RETREG1: variants seen among roughly 807,000 people sequenced by gnomAD.
RETREG1 encodes the protein family with sequence similarity 134 member B.
RETREG1 carries 44 observed loss-of-function variants against 54.8 expected under a neutral mutation model. That is an observed-to-expected ratio of 0.80 (90% confidence interval 0.63 to 1.03). The LOEUF (loss-of-function observed/expected upper bound fraction) is 1.03, where lower values mean the gene tolerates loss of function less well. Among genes scored for constraint, RETREG1 ranks in the 50% least tolerant of loss-of-function variants. The pLI, the probability that RETREG1 is intolerant of heterozygous loss-of-function variation, is 0.00. For synonymous variants in RETREG1, 217 were observed against 238.5 expected (o/e 0.91, Z 0.83); for missense variants, 554 against 605.1 (o/e 0.92, Z 0.89).
intron 1 of RETREG1, among the ~76,000 whole-genome samples, chr5:16,592,418 G>A (rs192349987): frequency 3.3e-5 from 5 of 152,294 alleles, no homozygotes; most frequent in Admixed American, 3.3e-4. Context: ...TGGCACGATC[G>A]CAGAGAAAAG....
chr5:16,545,542 T>C (rs1741363055), intron 3 of RETREG1, among the ~76,000 whole-genome samples: 1 of 152,180 alleles, frequency 6.6e-6, no homozygotes, highest in African/African-American at 2.4e-5. Flanking sequence ...TGGCAAATAC[T>C]AAGCACTAAG....
At chr5:16,599,957 C>G (rs904820125) in intron 1 of RETREG1, among the ~76,000 whole-genome samples, 20 of 152,116 alleles carry the variant, frequency 1.3e-4, no homozygotes, top group African/African-American at 4.8e-4. Context: ...AAAAGCACGT[C>G]CCCCTGAGCT....
intron 1 of RETREG1, among the ~76,000 whole-genome samples, chr5:16,612,036 G>A (rs1239409749): frequency 2.0e-5 from 3 of 147,568 alleles, no homozygotes; most frequent in African/African-American, 5.0e-5. Context: ...CTGCACTCCA[G>A]TCTGGGAGAG....
rs1469936810 is a variant in RETREG1 at position 16,536,052 on chromosome 5, C to T, written c.458+29711G>A. ...GTGGGAGCTGGAGCTACTGTGTGCA[C>T]GCTGCCTTGGGCTGACATGCACCTG... On this transcript the variant is annotated intron_variant, in intron 3 of 8. Coordinates refer to ENST00000306320, the MANE Select transcript of RETREG1 (RefSeq NM_001034850.3). Among the ~76,000 whole-genome samples, 6 of 152,340 alleles carry T rather than the reference C, an allele frequency of 3.9e-5. No individual in the cohort carries two copies. The East Asian group carries it at 7.7e-4, about 20-fold the overall frequency.
rs138841782 is a variant in RETREG1, at chr5:16,478,529, C to A, written c.808+321G>T. Among the ~76,000 whole-genome samples, 307 of 152,150 alleles carry A rather than the reference C, an allele frequency of 2.0e-3. 1 individual carries two copies. The highest frequency in any genetic ancestry group is 0.02 in the East Asian group (103 of 5,176). On this transcript the variant is annotated intron_variant, in intron 6 of 8. Coordinates refer to ENST00000306320, the MANE Select transcript of RETREG1 (RefSeq NM_001034850.3). ...GTAAGAGATGATTATATTGGCTTTT[C>A]CTGTATTTTCTTTTTCTTTGTGATA... is the stretch of plus-strand genomic sequence containing the variant.
intron 3 of RETREG1, among the ~76,000 whole-genome samples, chr5:16,547,355 T>C (rs766678885): frequency 2.0e-5 from 3 of 152,182 alleles, no homozygotes; most frequent in Non-Finnish European, 4.4e-5. Flanking sequence ...GAGGAAAACA[T>C]AGATGACTAA....
At chr5:16,577,781 GAGTA>G (rs1444810176) in intron 1 of RETREG1, among the ~76,000 whole-genome samples, 15 of 152,096 alleles carry the variant, frequency 9.9e-5, no homozygotes, top group African/African-American at 3.6e-4. Flanking sequence ...TCGTGGGAGT[GAGTA>G]AGTCTCACGA....
At chr5:16,492,878 G>A (rs918118314) in intron 3 of RETREG1, among the ~76,000 whole-genome samples, 5 of 152,112 alleles carry the variant, frequency 3.3e-5, no homozygotes, top group Admixed American at 6.6e-5. Flanking sequence ...TCAACTAGAG[G>A]ATTAAAAAGA....
intron 1 of RETREG1, among the ~76,000 whole-genome samples, chr5:16,609,654 G>C (rs1964335): frequency 0.59 from 88,991 of 151,974 alleles, 26,650 homozygotes; most frequent in Non-Finnish European, 0.67. Flanking sequence ...ATCTGCAAAC[G>C]AGACAGGACA....
chr5:16,530,872 A>C (rs1489213413), intron 3 of RETREG1, among the ~76,000 whole-genome samples: 1 of 152,190 alleles, frequency 6.6e-6, no homozygotes, highest in Non-Finnish European at 1.5e-5. Context: ...AAAAAAAAAA[A>C]AACTCCAAAA....
chr5:16,484,037 C>A (rs558617060), intron 3 of RETREG1, among the ~76,000 whole-genome samples: 58 of 152,078 alleles, frequency 3.8e-4, no homozygotes, highest in Middle Eastern at 3.4e-3. Flanking sequence ...GAATAAATAC[C>A]AACAATGTAT....
At chr5:16,527,477 T>A (rs901492359) in intron 3 of RETREG1, among the ~76,000 whole-genome samples, 1 of 152,182 alleles carries the variant, frequency 6.6e-6, no homozygotes, top group Non-Finnish European at 1.5e-5. Context: ...TATTTTGAAT[T>A]TAGAAGTTCT....
intron 8 of RETREG1, among the ~76,000 whole-genome samples, chr5:16,476,765 G>T (rs1000749076): frequency 9.3e-5 from 14 of 151,180 alleles, no homozygotes; most frequent in African/African-American, 3.2e-4. Flanking sequence ...AGGGTTGGGG[G>T]TGGGAGGAGG....
intron 1 of RETREG1, 41 bp from the exon 2 acceptor site, chr5:16,572,143 T>C: frequency 6.9e-7 from 1 of 1,457,922 alleles, no homozygotes; most frequent in South Asian, 1.1e-5. Flanking sequence ...AATTTGAGGA[T>C]TTTTAACCTT....
intron 3 of RETREG1, among the ~76,000 whole-genome samples, chr5:16,490,385 C>T (rs1057053462): frequency 2.0e-5 from 3 of 152,094 alleles, no homozygotes; most frequent in African/African-American, 7.2e-5. Context: ...ACACAGATTA[C>T]TATGACAGTT....
intron 3 of RETREG1, among the ~76,000 whole-genome samples, chr5:16,547,928 C>T (rs1363912399): frequency 6.6e-6 from 1 of 152,026 alleles, no homozygotes; most frequent in Non-Finnish European, 1.5e-5. Flanking sequence ...ACCAACAAAA[C>T]ACTGAGGGTT....
Position 16,596,190 on chromosome 5 carries a change from A to G in RETREG1, c.320+20462T>C, listed in dbSNP as rs191148488. ...TTCTTTTGAAAGGTTTTAACTGCCA[A>G]TGAAACAAATAATATGGTTTACTAG... On this transcript the variant is annotated intron_variant, in intron 1 of 8. Transcript: ENST00000306320. Among the ~76,000 whole-genome samples the G allele has an allele frequency of 1.1e-4, 16 of 152,338 alleles. 1 individual carries two copies. The highest frequency in any genetic ancestry group is 3.4e-4 in the African/African-American group (14 of 41,574).
At chr5:16,492,830 T>C (rs796484883) in intron 3 of RETREG1, among the ~76,000 whole-genome samples, 46 of 152,340 alleles carry the variant, frequency 3.0e-4, no homozygotes, top group African/African-American at 1.0e-3. Context: ...GCATGAGCAC[T>C]CACTGAATTA....
At chr5:16,543,546 C>T (rs903327901) in intron 3 of RETREG1, among the ~76,000 whole-genome samples, 6 of 151,858 alleles carry the variant, frequency 4.0e-5, no homozygotes, top group African/African-American at 1.5e-4. Context: ...TATGGTGGTG[C>T]ACGCCTGTAA....
Sources: allele counts gnomAD v4.1 joint callset (sites outside exome capture counted in the v4.1 genomes callset), GRCh38; gene constraint gnomAD v4.1.1; transcripts MANE v1.5; gene names NCBI Gene and HGNC (gene_info 2026-07-23, HGNC 2026-07-21).